SNTG1: variants seen among roughly 807,000 people sequenced by gnomAD.
SNTG1 encodes the protein syntrophin gamma 1.
A neutral mutation model predicts 74.7 loss-of-function variants in SNTG1; 39 were observed. The observed-to-expected ratio is 0.52, with a 90% CI of 0.40 to 0.68. The LOEUF (loss-of-function observed/expected upper bound fraction) is 0.68, where lower values mean the gene tolerates loss of function less well. Ranked by LOEUF, SNTG1 falls within the 30% of genes least tolerant of loss-of-function variation. SNTG1 has a pLI of 0.00. For missense variants in SNTG1, 685 were observed against 609.5 expected (o/e 1.12, Z -1.30); for synonymous variants, 254 against 217.1 (o/e 1.17, Z -1.49).
chr8:50,465,790 A>C (rs1215206135), intron 8 of SNTG1, among the ~76,000 whole-genome samples: 1 of 152,140 alleles, frequency 6.6e-6, no homozygotes, highest in Non-Finnish European at 1.5e-5. Flanking sequence ...TCTTTTTGTT[A>C]CTGAAGAATA....
At chr8:50,186,039 T>G (rs1288395134) in intron 2 of SNTG1, among the ~76,000 whole-genome samples, 1 of 152,076 alleles carries the variant, frequency 6.6e-6, no homozygotes. Flanking sequence ...GTTGTTCCTC[T>G]CCCTGTGTGC....
intron 2 of SNTG1, among the ~76,000 whole-genome samples, chr8:50,197,555 C>A (rs1234404824): frequency 6.6e-6 from 1 of 152,158 alleles, no homozygotes; most frequent in Non-Finnish European, 1.5e-5. Context: ...AATATCCTTG[C>A]ATACTTTCCC....
chr8:50,136,928 C>A (rs146021020), intron 1 of SNTG1, among the ~76,000 whole-genome samples: 1 of 151,954 alleles, frequency 6.6e-6, no homozygotes, highest in Non-Finnish European at 1.5e-5. Flanking sequence ...CATTTTAACT[C>A]TCTGTTGAAA....
chr8:50,590,836 A>G (rs2094686775), intron 12 of SNTG1, 43 bp from the exon 13 acceptor site: 1 of 1,322,060 alleles, frequency 7.6e-7, no homozygotes. Flanking sequence ...TTGTGTTACC[A>G]TCTATTGTTC....
intron 17 of SNTG1, among the ~76,000 whole-genome samples, chr8:50,709,895 A>C (rs542206356): frequency 1.3e-5 from 2 of 152,270 alleles, no homozygotes; most frequent in Admixed American, 6.5e-5. Flanking sequence ...GTAATCCTTT[A>C]CCAGAACACA....
intron 18 of SNTG1, among the ~76,000 whole-genome samples, chr8:50,781,670 T>C (rs1266576821): frequency 6.6e-6 from 1 of 152,254 alleles, no homozygotes; most frequent in Admixed American, 6.5e-5. Flanking sequence ...TTTGCCAGTC[T>C]GTGTCTTTTA....
chr8:50,174,576 A>G lies in SNTG1; in HGVS notation c.-28+1941A>G, dbSNP rs534463923. ...CAAAAATAACCCTTTCTAACGCATT[A>G]TAAATGCCATTATATACCCAATGTT... On this transcript the variant is annotated intron_variant, in intron 2 of 18. Transcript: ENST00000642720. Among the ~76,000 whole-genome samples, 6 of 152,332 alleles carry G rather than the reference A, an allele frequency of 3.9e-5. No homozygotes were observed. In the South Asian group the frequency reaches 1.2e-3, roughly 32 times the overall value.
At chr8:50,665,857 T>A (rs767627366) in intron 15 of SNTG1, among the ~76,000 whole-genome samples, 3 of 152,104 alleles carry the variant, frequency 2.0e-5, no homozygotes, top group Admixed American at 6.6e-5. Context: ...GACAAAGAAC[T>A]TACTTAGTTT....
chr8:50,557,171 T>C (rs1177774939), intron 12 of SNTG1, among the ~76,000 whole-genome samples: 1 of 145,630 alleles, frequency 6.9e-6, no homozygotes, highest in African/African-American at 2.6e-5. Context: ...CCTCCTACAG[T>C]ATCAGGCGGG....
intron 1 of SNTG1, among the ~76,000 whole-genome samples, chr8:49,977,779 G>A (rs1394527289): frequency 2.0e-5 from 3 of 152,216 alleles, no homozygotes; most frequent in Non-Finnish European, 4.4e-5. Context: ...GGCAGAAGAT[G>A]GAAAGGCGAA....
rs2095244618 is a variant in SNTG1 at position 50,665,173 on chromosome 8, T to C, written c.1038+6510T>C. Among the ~76,000 whole-genome samples, 4 of 152,192 alleles carry C rather than the reference T, an allele frequency of 2.6e-5. No homozygotes were observed. In the South Asian group the frequency reaches 8.3e-4, roughly 32 times the overall value. On this transcript the variant is annotated intron_variant, in intron 15 of 18. Transcript: ENST00000642720. ...TTTAGAAAAAAGGAGAAAACATGCT[T>C]GGCAGGGTTGAATGAGGAGGGTATT... is the stretch of plus-strand genomic sequence containing the variant.
chr8:50,115,581 A>AAAAAAAAAAAAAAAAAAAAAAAAC (rs1563617770), intron 1 of SNTG1, among the ~76,000 whole-genome samples: 14 of 147,834 alleles, frequency 9.5e-5, no homozygotes, highest in African/African-American at 3.5e-4. Context: ...AAAAAAAAAA[A>AAAAAAAAAAAAAAAAAAAAAAAAC]AAAAAACGAG....
chr8:50,383,194 T>G (rs533160627), intron 2 of SNTG1, among the ~76,000 whole-genome samples: 148 of 152,222 alleles, frequency 9.7e-4, no homozygotes, highest in African/African-American at 3.4e-3. Context: ...TAAACCTACT[T>G]TAGCTCCAAA....
In SNTG1 at chr8:50,502,759, T is replaced by G; in HGVS notation, c.364-19T>G. ...GATAAATGTAATGATGATTGTATTC[T>G]TTTTATTCTTTTTTTCAGGTTCAGG... On this transcript the variant is annotated intron_variant, in intron 8 of 18. Transcript: ENST00000642720. The G allele has an allele frequency of 3.8e-6, 6 of 1,589,320 alleles. No individual in the cohort carries two copies. Among genetic ancestry groups the G allele is most frequent in the Non-Finnish European group, 5.2e-6 (6 of 1,159,194 alleles).
chr8:50,457,058 G>A (rs1233053157), intron 8 of SNTG1: 1 of 152,190 alleles, frequency 6.6e-6, no homozygotes, highest in African/African-American at 2.4e-5. Context: ...GAAACCGTAT[G>A]ACAACGGAGA....
rs562873094 is a variant in SNTG1, at chr8:50,687,198, C to A, written c.1039-17402C>A. On this transcript the variant is annotated intron_variant, in intron 15 of 18. Transcript: ENST00000642720. ...ATTCAAAACATATGACTATAGAAAA[C>A]CATGAAACCACAAAGAAAGACAGCG... is the stretch of plus-strand genomic sequence containing the variant. Among the ~76,000 whole-genome samples the A allele has an allele frequency of 2.7e-5, 4 of 148,798 alleles. No homozygotes were observed. The South Asian group carries it at 8.6e-4, about 32-fold the overall frequency.
chr8:50,540,419 C>T (rs185345194), intron 11 of SNTG1, among the ~76,000 whole-genome samples: 273 of 152,046 alleles, frequency 1.8e-3, no homozygotes, highest in African/African-American at 6.3e-3. Context: ...TCAGCATATA[C>T]GTTATTTTGG....
At chr8:50,716,899 AT>A (rs113275733) in intron 17 of SNTG1, among the ~76,000 whole-genome samples, 3,284 of 148,546 alleles carry the variant, frequency 0.022, 101 homozygotes, top group African/African-American at 0.072. Flanking sequence ...TGCCCGGCTA[AT>A]TTTTTTTTTG....
At chr8:50,476,948 G>A (rs1342520285) in intron 8 of SNTG1, among the ~76,000 whole-genome samples, 2 of 151,718 alleles carry the variant, frequency 1.3e-5, no homozygotes, top group African/African-American at 2.4e-5. Context: ...GGAGCCAACT[G>A]AAAGAGGCCC....
Sources: gnomAD v4.1 joint callset for allele counts (sites outside exome capture counted in the v4.1 genomes callset) on GRCh38, gnomAD v4.1.1 for gene constraint, MANE v1.5 for transcripts, NCBI Gene and HGNC (gene_info 2026-07-23, HGNC 2026-07-21) for gene names.